The following ESF1 variants were observed in gnomAD, a reference collection of about 807,000 sequenced individuals.
ESF1 encodes the protein ESF1 homolog.
A neutral mutation model predicts 92.0 loss-of-function variants in ESF1; 58 were observed. The ratio of observed to expected loss-of-function variants is 0.63; its 90% CI spans 0.51 to 0.78. The LOEUF is 0.78. Ranked by LOEUF, ESF1 falls within the 30% of genes least tolerant of loss-of-function variation. The pLI, the probability that ESF1 is intolerant of heterozygous loss-of-function variation, is 0.00. For synonymous variants in ESF1, 321 were observed against 313.7 expected, an observed-to-expected ratio of 1.02 and a Z score of -0.24; for missense variants, 922 against 989.1, an observed-to-expected ratio of 0.93 and a Z score of 0.91.
At chr20:13,761,353 C>T (rs142074669) in intron 8 of ESF1, among the ~76,000 whole-genome samples, 1,649 of 146,950 alleles carry the variant, frequency 0.011, 34 homozygotes, top group African/African-American at 0.04. Context: ...TCCCCCTCTG[C>T]GAGAAACACC....
chr20:13,727,916 A>T (rs998145301), intron 11 of ESF1, among the ~76,000 whole-genome samples: 1 of 152,162 alleles, frequency 6.6e-6, no homozygotes, highest in Non-Finnish European at 1.5e-5. Context: ...GCATAAATTT[A>T]AAAAAATTAT....
intron 11 of ESF1, among the ~76,000 whole-genome samples, chr20:13,727,302 T>C (rs2049907044): frequency 6.6e-6 from 1 of 152,258 alleles, no homozygotes. Flanking sequence ...TCCACTTCTC[T>C]GTCCAATTCC....
chr20:13,748,017 C>T (rs1349680841), intron 9 of ESF1, among the ~76,000 whole-genome samples: 1 of 152,114 alleles, frequency 6.6e-6, no homozygotes, highest in African/African-American at 2.4e-5. Context: ...ATGTGTTGTG[C>T]AAAAATATGA....
chr20:13,735,351 CT>C (rs1236398396), intron 9 of ESF1, among the ~76,000 whole-genome samples: 1 of 152,092 alleles, frequency 6.6e-6, no homozygotes, highest in Non-Finnish European at 1.5e-5. Context: ...TTATGACATA[CT>C]GCTGTTAGGA....
At chr20:13,760,313 C>T (rs1381347163) in intron 8 of ESF1, among the ~76,000 whole-genome samples, 3 of 149,212 alleles carry the variant, frequency 2.0e-5, no homozygotes, top group African/African-American at 5.0e-5. Context: ...AAGTGAGGAG[C>T]GCCTCTTCCC....
At chr20:13,757,579 T>C (rs887348160) in intron 9 of ESF1, among the ~76,000 whole-genome samples, 3 of 152,104 alleles carry the variant, frequency 2.0e-5, no homozygotes, top group Admixed American at 6.6e-5. Flanking sequence ...TTGTATTTTT[T>C]TGTAGAGATG....
rs1282137465 is a variant in ESF1 at position 13,771,467 on chromosome 20, A to G, written c.1267T>C (p.Leu423=). ...PEKDWTSREK[L]RDYQFKRLKY... ...AGTCGTTTGAATTGATAATCTCTCA[A>G]TTTTTCTCTAGACGTCCTAAAGTGG... Residue 423 remains leucine (L), a synonymous_variant, in exon 6 of 14, where the codon TTG becomes CTG. Transcript: ENST00000617257. The G allele has an allele frequency of 1.2e-6, 2 of 1,612,716 alleles. No homozygotes were observed. Among genetic ancestry groups the G allele is most frequent in the Non-Finnish European group, 8.5e-7 (1 of 1,179,344 alleles).
chr20:13,751,546 T>A (rs1277943107), intron 9 of ESF1, among the ~76,000 whole-genome samples: 2 of 152,210 alleles, frequency 1.3e-5, no homozygotes, highest in Non-Finnish European at 2.9e-5. Context: ...GATTTACATA[T>A]TTTAACTGGA....
At chr20:13,734,470 G>T (rs993265244) in intron 9 of ESF1, among the ~76,000 whole-genome samples, 2 of 152,160 alleles carry the variant, frequency 1.3e-5, no homozygotes, top group African/African-American at 4.8e-5. Flanking sequence ...ATATGGTTTA[G>T]CTCTTTCAAT....
intron 10 of ESF1, among the ~76,000 whole-genome samples, chr20:13,729,986 T>C (rs941666953): frequency 6.6e-5 from 10 of 152,244 alleles, no homozygotes; most frequent in African/African-American, 2.4e-4. Flanking sequence ...AATGCCATTA[T>C]TGTTAAACAT....
intron 12 of ESF1, among the ~76,000 whole-genome samples, chr20:13,718,385 G>A (rs1204237342): frequency 6.6e-6 from 1 of 152,222 alleles, no homozygotes; most frequent in Non-Finnish European, 1.5e-5. Context: ...ATATGACTCT[G>A]TGCCAAAATT....
chr20:13,771,144 C>T (rs1485817898), intron 6 of ESF1, among the ~76,000 whole-genome samples, 187 bp downstream of exon 6: 1 of 152,196 alleles, frequency 6.6e-6, no homozygotes, highest in Non-Finnish European at 1.5e-5. Context: ...ATGATTCATA[C>T]ATAATACTTT....
chr20:13,732,236 C>A (rs1015036822), intron 10 of ESF1, among the ~76,000 whole-genome samples: 1 of 152,098 alleles, frequency 6.6e-6, no homozygotes, highest in Admixed American at 6.5e-5. Context: ...GTCACCCAGC[C>A]GGTGTCCACT....
At position 13,717,362 on chromosome 20, in the gene ESF1, G is replaced by C; in HGVS notation, c.2262+6C>G. 1 of 1,613,628 alleles carries C rather than the reference G, an allele frequency of 6.2e-7. No homozygotes were observed. The highest frequency in any genetic ancestry group is 8.5e-7 in the Non-Finnish European group (1 of 1,179,820). On this transcript the variant is annotated splice_donor_region_variant and intron_variant, in intron 13 of 13. Coordinates refer to ENST00000617257, the MANE Select transcript of ESF1 (RefSeq NM_001276380.2). ...TTAAGAGGCTATGCCTGGTGTCTAT[G>C]GTTACCTCAAAGTCATCCTCTATTA... is the stretch of plus-strand genomic sequence containing the variant.
chr20:13,737,380 A>G (rs573400963), intron 9 of ESF1, among the ~76,000 whole-genome samples: 106 of 152,316 alleles, frequency 7.0e-4, no homozygotes, highest in African/African-American at 2.5e-3. Context: ...AACACACAAA[A>G]ATAAGAGTAT....
chr20:13,759,886 A>G (rs1979080802), intron 8 of ESF1, 33 bp from the exon 9 acceptor site: 1 of 1,559,520 alleles, frequency 6.4e-7, no homozygotes, highest in African/African-American at 1.4e-5. Context: ...AATACACAGA[A>G]ACAATTCATT....
chr20:13,754,910 T>A (rs1978817503), intron 9 of ESF1, among the ~76,000 whole-genome samples: 1 of 152,220 alleles, frequency 6.6e-6, no homozygotes, highest in South Asian at 2.1e-4. Flanking sequence ...CTCCTTGGAT[T>A]CCTCAAACAC....
At chr20:13,724,745 T>C (rs1424191159) in intron 11 of ESF1, among the ~76,000 whole-genome samples, 4 of 152,240 alleles carry the variant, frequency 2.6e-5, no homozygotes, top group South Asian at 4.1e-4. Context: ...ATCATTCTCA[T>C]ATATTTAAAT....
intron 7 of ESF1, among the ~76,000 whole-genome samples, chr20:13,769,192 T>TAC (rs1357718391): frequency 5.9e-5 from 9 of 152,316 alleles, no homozygotes; most frequent in Admixed American, 4.6e-4. Context: ...GTATAGGAGA[T>TAC]ACTCTTATTT....
Sources: gnomAD v4.1 joint callset for allele counts (sites outside exome capture counted in the v4.1 genomes callset) on GRCh38, gnomAD v4.1.1 for gene constraint, MANE v1.5 for transcripts, NCBI Gene and HGNC (gene_info 2026-07-23, HGNC 2026-07-21) for gene names.